The following SLC35D4 variants were observed in gnomAD, a reference collection of about 807,000 sequenced individuals.
SLC35D4 encodes the protein UDP-N-acetylglucosamine transporter SLC35D4.
the SLC35D4 span, among the ~76,000 whole-genome samples, chr18:23,347,494 G>A: frequency 2.0e-5 from 3 of 151,908 alleles, no homozygotes; most frequent in Non-Finnish European, 2.9e-5. Flanking sequence ...GCGTGATCAC[G>A]GCTCACTGCA....
the SLC35D4 span, among the ~76,000 whole-genome samples, chr18:23,379,709 TC>T: frequency 6.6e-6 from 1 of 152,212 alleles, no homozygotes; most frequent in Admixed American, 6.5e-5. Flanking sequence ...GCAGTCATTT[TC>T]CTTTTCAGGA....
chr18:23,249,589 C>T, the SLC35D4 span, among the ~76,000 whole-genome samples: 2 of 152,146 alleles, frequency 1.3e-5, no homozygotes, highest in African/African-American at 4.8e-5. Context: ...AATTTTTCAG[C>T]GTCTTTTACG....
chr18:23,396,219 AG>A, the SLC35D4 span, among the ~76,000 whole-genome samples: 2 of 152,208 alleles, frequency 1.3e-5, no homozygotes, highest in Non-Finnish European at 2.9e-5. Flanking sequence ...CAGAACTTCA[AG>A]GTCTTGTCAG....
the SLC35D4 span, among the ~76,000 whole-genome samples, chr18:23,303,837 G>A: frequency 4.6e-5 from 7 of 152,018 alleles, no homozygotes; most frequent in Non-Finnish European, 1.0e-4. Flanking sequence ...GGGAGATGGA[G>A]GTTCCAGTGA....
chr18:23,268,555 G>T, the SLC35D4 span, among the ~76,000 whole-genome samples: 1 of 152,062 alleles, frequency 6.6e-6, no homozygotes, highest in Non-Finnish European at 1.5e-5. Flanking sequence ...GAGAGTCACA[G>T]CCATCCAAGT....
the SLC35D4 span, among the ~76,000 whole-genome samples, chr18:23,241,652 G>C: frequency 6.6e-6 from 1 of 152,224 alleles, no homozygotes; most frequent in Admixed American, 6.5e-5. Context: ...GCTTTCTGTG[G>C]AAATACTTTT....
At chr18:23,258,051 C>T in the SLC35D4 span, 3 of 152,234 alleles carry the variant, frequency 2.0e-5, no homozygotes, top group African/African-American at 7.2e-5. Context: ...TGACATCCTC[C>T]ACCCTTAGAA....
the SLC35D4 span, among the ~76,000 whole-genome samples, chr18:23,401,309 G>C: frequency 6.6e-6 from 1 of 152,110 alleles, no homozygotes; most frequent in Non-Finnish European, 1.5e-5. Flanking sequence ...TTGCCTTCAC[G>C]GACCTCATAA....
the SLC35D4 span, among the ~76,000 whole-genome samples, chr18:23,283,666 A>G: frequency 6.6e-6 from 1 of 151,728 alleles, no homozygotes; most frequent in Non-Finnish European, 1.5e-5. Context: ...AAAATTAGCC[A>G]GGTGTGGTGG....
At chr18:23,247,805 T>C in the SLC35D4 span, among the ~76,000 whole-genome samples, 4 of 152,230 alleles carry the variant, frequency 2.6e-5, no homozygotes, top group Admixed American at 2.0e-4. Context: ...AAGGCCGGGA[T>C]GCAGAAGAGT....
At chr18:23,315,412 C>T in the SLC35D4 span, among the ~76,000 whole-genome samples, 21 of 152,340 alleles carry the variant, frequency 1.4e-4, no homozygotes, top group African/African-American at 4.8e-4. Context: ...TCTCAAGGCT[C>T]CCACAACCCC....
chr18:23,420,662 C>A, the SLC35D4 span, among the ~76,000 whole-genome samples: 1 of 151,894 alleles, frequency 6.6e-6, no homozygotes, highest in Non-Finnish European at 1.5e-5. Flanking sequence ...AGGCATGAGC[C>A]ACCATGCCCA....
At chr18:23,429,329 C>A in the SLC35D4 span, among the ~76,000 whole-genome samples, 3 of 152,084 alleles carry the variant, frequency 2.0e-5, no homozygotes, top group African/African-American at 7.2e-5. Flanking sequence ...TAAACGTTTC[C>A]TTTTTTCCAA....
At chr18:23,339,060 A>G in the SLC35D4 span, among the ~76,000 whole-genome samples, 1 of 152,090 alleles carries the variant, frequency 6.6e-6, no homozygotes, top group African/African-American at 2.4e-5. Flanking sequence ...GCTAATTAAA[A>G]AAAAACTTTT....
the SLC35D4 span, chr18:23,373,666 G>T: frequency 6.2e-7 from 1 of 1,602,294 alleles, no homozygotes; most frequent in South Asian, 1.1e-5. Context: ...CCAGGCTTCA[G>T]AGAATAAAAG....
chr18:23,256,112 C>T, the SLC35D4 span, among the ~76,000 whole-genome samples: 5 of 152,198 alleles, frequency 3.3e-5, no homozygotes. Flanking sequence ...AACTCAAGGT[C>T]TCATCCCAGT....
the SLC35D4 span, among the ~76,000 whole-genome samples, chr18:23,413,259 A>T: frequency 6.6e-6 from 1 of 151,736 alleles, no homozygotes; most frequent in African/African-American, 2.4e-5. Context: ...TTCATGTTTC[A>T]TTTTTTTTCT....
At chr18:23,348,555 T>G in the SLC35D4 span, among the ~76,000 whole-genome samples, 3 of 152,254 alleles carry the variant, frequency 2.0e-5, no homozygotes, top group Non-Finnish European at 4.4e-5. Flanking sequence ...ATCTTCCTAA[T>G]GCATTAACAC....
the SLC35D4 span, among the ~76,000 whole-genome samples, chr18:23,286,660 T>A: frequency 4.5e-3 from 680 of 152,072 alleles, 2 homozygotes; most frequent in Non-Finnish European, 7.2e-3. Context: ...GTTACCTTCT[T>A]TTCAAGGGCC....
Sources: allele counts gnomAD v4.1 joint callset (sites outside exome capture counted in the v4.1 genomes callset), GRCh38; gene constraint gnomAD v4.1.1; transcripts MANE v1.5; gene names NCBI Gene and HGNC (gene_info 2026-07-23, HGNC 2026-07-21).